Variants in ASTN2 observed in about 807,000 individuals in gnomAD.
The protein encoded by ASTN2 is astrotactin-2.
A neutral mutation model predicts 139.8 loss-of-function variants in ASTN2; 54 were observed. That is an observed-to-expected ratio of 0.39 (90% CI 0.31 to 0.48). The LOEUF is 0.48. Among genes scored for constraint, ASTN2 ranks in the 20% least tolerant of loss-of-function variants. The pLI, the probability that ASTN2 is intolerant of heterozygous loss-of-function variation, is 0.95. For synonymous variants in ASTN2, 756 were observed against 719.5 expected (o/e 1.05, Z -0.81); for missense variants, 1,565 against 1,725.1 (o/e 0.91, Z 1.64).
intron 1 of ASTN2, among the ~76,000 whole-genome samples, chr9:117,311,394 T>C (rs1008373397): frequency 6.6e-6 from 1 of 152,130 alleles, no homozygotes; most frequent in Non-Finnish European, 1.5e-5. Flanking sequence ...CAGAGGCACA[T>C]ACCAGTTATT....
chr9:116,959,692 T>C (rs1835823688), intron 10 of ASTN2, among the ~76,000 whole-genome samples: 1 of 152,064 alleles, frequency 6.6e-6, no homozygotes, highest in Non-Finnish European at 1.5e-5. Flanking sequence ...TTGCAAGCTT[T>C]AATTGGGGTC....
At chr9:116,522,655 C>T (rs1289462954) in intron 19 of ASTN2, among the ~76,000 whole-genome samples, 1 of 151,806 alleles carries the variant, frequency 6.6e-6, no homozygotes, top group South Asian at 2.1e-4. Context: ...TTCCCTAAAA[C>T]GTACTGAAGT....
At chr9:116,660,168 G>GCGCGCACACACACA (rs139281552) in intron 16 of ASTN2, among the ~76,000 whole-genome samples, 1 of 146,576 alleles carries the variant, frequency 6.8e-6, no homozygotes, top group Non-Finnish European at 1.5e-5. Flanking sequence ...TATTGCAAGC[G>GCGCGCACACACACA]CACACACACA....
rs534623844 is a variant in ASTN2, at chr9:116,743,615, G to A, written c.2397-10092C>T. On this transcript the variant is annotated intron_variant, in intron 13 of 22. Transcript: ENST00000313400. ...AAACCTCCATCTCCCGGGTTCAAGC[G>A]ATTCGCCTGCCTCCCGAGTAGCTGG... Among the ~76,000 whole-genome samples the A allele has an allele frequency of 4.6e-5, 7 of 152,138 alleles. No individual in the cohort carries two copies. The South Asian group carries it at 1.2e-3, about 27-fold the overall frequency.
chr9:116,962,342 C>T lies in ASTN2; in HGVS notation c.1889+12866G>A, dbSNP rs1835897767. On this transcript the variant is annotated intron_variant, in intron 10 of 22. Transcript: ENST00000313400. ...AGGTTGGCCAGCTTGACTAAGCCAA[C>T]AGGAGAGAGACCAGTTCCCTCTGCC... 3.9e-5 allele frequency among the ~76,000 whole-genome samples: 6 copies of T among 152,318 alleles called. No homozygotes were observed. The South Asian group carries it at 1.2e-3, about 32-fold the overall frequency.
intron 10 of ASTN2, among the ~76,000 whole-genome samples, chr9:116,949,389 C>T (rs759220959): frequency 6.7e-6 from 1 of 149,944 alleles, no homozygotes; most frequent in Non-Finnish European, 1.5e-5. Context: ...TTTATCATCA[C>T]TGTATGAAAA....
Position 117,399,203 on chromosome 9 carries a change from G to A in ASTN2, c.442+15294C>T, listed in dbSNP as rs551636821. 2.6e-5 allele frequency among the ~76,000 whole-genome samples: 4 copies of A among 152,086 alleles called. No individual in the cohort carries two copies. The East Asian group carries it at 5.8e-4, about 22-fold the overall frequency. On this transcript the variant is annotated intron_variant, in intron 1 of 22. Transcript: ENST00000313400. ...AGCTTACATACTAACAAGAAAGGCCGACATGCAATCAACAATATTTCTATG... is the reference window on the plus strand; with the variant it reads ...AGCTTACATACTAACAAGAAAGGCCAACATGCAATCAACAATATTTCTATG...
intron 10 of ASTN2, among the ~76,000 whole-genome samples, chr9:116,875,768 T>C (rs375494039): frequency 1.3e-5 from 2 of 152,200 alleles, no homozygotes; most frequent in African/African-American, 4.8e-5. Context: ...TTAAGAATTA[T>C]GCTAAATCTA....
intron 10 of ASTN2, among the ~76,000 whole-genome samples, chr9:116,887,808 C>T (rs1250244241): frequency 6.6e-6 from 1 of 152,074 alleles, no homozygotes; most frequent in Non-Finnish European, 1.5e-5. Context: ...GCTGGGACTA[C>T]AGGCCCGTAC....
intron 11 of ASTN2, among the ~76,000 whole-genome samples, chr9:116,862,305 T>G (rs1832903794): frequency 6.6e-6 from 1 of 152,128 alleles, no homozygotes; most frequent in Non-Finnish European, 1.5e-5. Context: ...TTTTCTTTAT[T>G]TACTGAGATG....
intron 4 of ASTN2, among the ~76,000 whole-genome samples, chr9:117,118,928 C>T (rs1829472560): frequency 6.6e-6 from 1 of 152,154 alleles, no homozygotes; most frequent in Non-Finnish European, 1.5e-5. Flanking sequence ...TCTTTTTACC[C>T]TGTTTTATTT....
At chr9:116,677,088 G>A (rs1410846543) in intron 16 of ASTN2, among the ~76,000 whole-genome samples, 2 of 152,190 alleles carry the variant, frequency 1.3e-5, no homozygotes, top group African/African-American at 4.8e-5. Context: ...TTAATTAAAA[G>A]TGGATAAACA....
At position 116,792,617 on chromosome 9, in the gene ASTN2, G is replaced by A. The variant is rs374182996; in HGVS notation, c.2396+13015C>T. Among the ~76,000 whole-genome samples the A allele has an allele frequency of 2.6e-5, 4 of 152,160 alleles. No individual in the cohort carries two copies. The East Asian group carries it at 5.8e-4, about 22-fold the overall frequency. On this transcript the variant is annotated intron_variant, in intron 13 of 22. Coordinates refer to ENST00000313400, the MANE Select transcript of ASTN2 (RefSeq NM_001365068.1). ...CACAAAATAACCTTTGCTACATTAT[G>A]CACCGGGGGCCTATTGGATTGCAGG...
intron 1 of ASTN2, among the ~76,000 whole-genome samples, chr9:117,405,424 T>C (rs1830955168): frequency 6.6e-6 from 1 of 152,152 alleles, no homozygotes. Context: ...AAAGAATAGA[T>C]AACAAATGTA....
chr9:117,216,614 T>C (rs7040129), intron 2 of ASTN2, among the ~76,000 whole-genome samples: 86,452 of 152,148 alleles, frequency 0.57, 25,447 homozygotes, highest in Middle Eastern at 0.69. Flanking sequence ...ATATATCACC[T>C]TAAAAAACAA....
chr9:117,363,412 C>T (rs1358679350), intron 1 of ASTN2, among the ~76,000 whole-genome samples: 1 of 152,244 alleles, frequency 6.6e-6, no homozygotes, highest in African/African-American at 2.4e-5. Flanking sequence ...TAAAACAAAG[C>T]GCAGAAGAAA....
At chr9:117,301,135 A>G (rs1834865947) in intron 1 of ASTN2, among the ~76,000 whole-genome samples, 1 of 151,580 alleles carries the variant, frequency 6.6e-6, no homozygotes, top group Non-Finnish European at 1.5e-5. Context: ...GATTCTCATT[A>G]CTCCTAGTTA....
Position 117,231,763 on chromosome 9 carries a change from T to C in ASTN2, c.631-17021A>G, listed in dbSNP as rs543582930. 1.1e-4 allele frequency among the ~76,000 whole-genome samples: 16 copies of C among 152,122 alleles called. No individual in the cohort carries two copies. The East Asian group carries it at 2.9e-3, about 28-fold the overall frequency. ...TAAGGTGAGAGAGGATAGAAGGAAG[T>C]GCAGGAGAGTAGAAAGAAGCTTCTT... is the stretch of plus-strand genomic sequence containing the variant. On this transcript the variant is annotated intron_variant, in intron 2 of 22. Transcript: ENST00000313400.
chr9:116,655,296 C>T (rs1468702087), intron 16 of ASTN2, among the ~76,000 whole-genome samples: 2 of 152,230 alleles, frequency 1.3e-5, no homozygotes, highest in African/African-American at 4.8e-5. Context: ...TCTGATTCAA[C>T]CTTACCCTGT....
Sources: gnomAD v4.1 joint callset for allele counts (sites outside exome capture counted in the v4.1 genomes callset) on GRCh38, gnomAD v4.1.1 for gene constraint, MANE v1.5 for transcripts, NCBI Gene and HGNC (gene_info 2026-07-23, HGNC 2026-07-21) for gene names.